Variants in ALKBH3 observed in about 807,000 individuals in gnomAD.
The protein encoded by ALKBH3 is alkB homolog 3, alpha-ketoglutarate dependent dioxygenase, also known as alpha-ketoglutarate-dependent dioxygenase alkB homolog 3.
ALKBH3 carries 51 observed loss-of-function variants against 43.9 expected under a neutral mutation model. The observed-to-expected ratio is 1.16, with a 90% confidence interval of 0.93 to 1.47. ALKBH3 has a LOEUF of 1.47. ALKBH3 is among the 40% of genes most tolerant of loss of function. The pLI is 0.00. For missense variants in ALKBH3, 361 were observed against 351.9 expected, an observed-to-expected ratio of 1.03 and a Z score of -0.21; for synonymous variants, 102 against 115.2, an observed-to-expected ratio of 0.89 and a Z score of 0.73.
intron 7 of ALKBH3, among the ~76,000 whole-genome samples, chr11:43,895,242 C>T (rs1951810577): frequency 6.6e-6 from 1 of 152,220 alleles, no homozygotes; most frequent in Non-Finnish European, 1.5e-5. Context: ...CCACGCAAGT[C>T]TCACCTTGAA....
intron 7 of ALKBH3, 138 bp from the exon 8 acceptor site, chr11:43,901,378 G>A (rs33989612): frequency 0.042 from 35,632 of 844,736 alleles, 1,610 homozygotes; most frequent in Admixed American, 0.22. Flanking sequence ...TCTGTTTATT[G>A]CATTCCATGT....
At chr11:43,884,491 A>T (rs1005231472) in intron 4 of ALKBH3, among the ~76,000 whole-genome samples, 1 of 152,098 alleles carries the variant, frequency 6.6e-6, no homozygotes. Context: ...AAATGATAGT[A>T]AACATTCTTC....
chr11:43,896,197 A>T (rs1240043989), intron 7 of ALKBH3, among the ~76,000 whole-genome samples: 1 of 152,092 alleles, frequency 6.6e-6, no homozygotes, highest in Non-Finnish European at 1.5e-5. Flanking sequence ...TTCAAGCAAA[A>T]ATTAGAATTT....
chr11:43,901,733 T>C lies in ALKBH3; in HGVS notation c.669+8T>C. 6.2e-7 allele frequency: 1 copy of C among 1,613,760 alleles called. No individual in the cohort carries two copies. The highest frequency in any genetic ancestry group is 8.5e-7 in the Non-Finnish European group (1 of 1,179,654). On this transcript the variant is annotated splice_region_variant and intron_variant, in intron 8 of 9. Transcript: ENST00000302708. ...AGAAAGAAGCCACCACCAGTGAGTATTCTCTTTTTCTTATGCTCTTCCTGC... is the reference window on the plus strand; with the variant it reads ...AGAAAGAAGCCACCACCAGTGAGTACTCTCTTTTTCTTATGCTCTTCCTGC...
At chr11:43,893,629 T>C (rs1164252717) in intron 7 of ALKBH3, among the ~76,000 whole-genome samples, 1 of 152,154 alleles carries the variant, frequency 6.6e-6, no homozygotes, top group African/African-American at 2.4e-5. Context: ...TAGAGAATCT[T>C]TTTTTCTGTA....
At chr11:43,903,459 G>A (rs1190109074) in intron 8 of ALKBH3, among the ~76,000 whole-genome samples, 1 of 152,186 alleles carries the variant, frequency 6.6e-6, no homozygotes, top group Non-Finnish European at 1.5e-5. Context: ...CGGATGTATG[G>A]AACCTCAGCT....
chr11:43,905,929 G>A (rs968404075), intron 8 of ALKBH3, among the ~76,000 whole-genome samples: 1 of 152,202 alleles, frequency 6.6e-6, no homozygotes, highest in African/African-American at 2.4e-5. Context: ...CGGTTACCAT[G>A]GAAACAGTGA....
At chr11:43,916,146 A>G (rs1448458385) in intron 8 of ALKBH3, among the ~76,000 whole-genome samples, 1 of 152,224 alleles carries the variant, frequency 6.6e-6, no homozygotes, top group Non-Finnish European at 1.5e-5. Flanking sequence ...AGTATGAATT[A>G]CCTTTCCAAT....
intron 1 of ALKBH3, 115 bp downstream of exon 1, chr11:43,881,294 G>GTGCA (rs1951709178): frequency 6.6e-6 from 1 of 152,306 alleles, no homozygotes; most frequent in Non-Finnish European, 1.5e-5. Context: ...CAAGCTTTAT[G>GTGCA]TGCATTAAGA....
chr11:43,881,920 AATTAGT>A (rs1330020997), intron 1 of ALKBH3, among the ~76,000 whole-genome samples: 1 of 152,172 alleles, frequency 6.6e-6, no homozygotes, highest in African/African-American at 2.4e-5. Flanking sequence ...ACAACTGTCA[AATTAGT>A]ATTATTAGCC....
chr11:43,896,067 C>T (rs1025246102), intron 7 of ALKBH3, among the ~76,000 whole-genome samples: 5 of 152,016 alleles, frequency 3.3e-5, no homozygotes, highest in African/African-American at 4.8e-5. Context: ...ACGGGCAGAC[C>T]GACTGTGGTT....
At chr11:43,896,018 T>G (rs1389018514) in intron 7 of ALKBH3, among the ~76,000 whole-genome samples, 2 of 152,218 alleles carry the variant, frequency 1.3e-5, no homozygotes, top group African/African-American at 4.8e-5. Context: ...TAAGCTGAAC[T>G]AGCTACTTTT....
intron 8 of ALKBH3, chr11:43,918,770 G>T: frequency 2.8e-6 from 1 of 359,768 alleles, no homozygotes; most frequent in Non-Finnish European, 5.0e-6. Context: ...AATCTTCAAG[G>T]GATTTACACA....
At chr11:43,904,813 A>C (rs1951885311) in intron 8 of ALKBH3, among the ~76,000 whole-genome samples, 2 of 152,224 alleles carry the variant, frequency 1.3e-5, no homozygotes, top group African/African-American at 4.8e-5. Flanking sequence ...CCCAAGGTAA[A>C]GCATAATTTA....
rs536152977 is a variant in ALKBH3, at chr11:43,886,422, C to T, written c.219-184C>T. 3.9e-5 allele frequency among the ~76,000 whole-genome samples: 6 copies of T among 152,206 alleles called. No homozygotes were observed. In the South Asian group the frequency reaches 1.2e-3, roughly 32 times the overall value. ...GGCCTGATACTGTCACAGTTCCATTCCAGTGCCATTAATGATATACCATGA... is the reference window on the plus strand; with the variant it reads ...GGCCTGATACTGTCACAGTTCCATTTCAGTGCCATTAATGATATACCATGA... On this transcript the variant is annotated intron_variant, in intron 4 of 9. Transcript: ENST00000302708.
chr11:43,901,038 TA>T (rs1951860047), intron 7 of ALKBH3, among the ~76,000 whole-genome samples: 2 of 152,202 alleles, frequency 1.3e-5, no homozygotes, highest in Non-Finnish European at 2.9e-5. Context: ...CCCATCAGGA[TA>T]AAATAGGAAT....
At chr11:43,892,938 G>A (rs1445926455) in intron 7 of ALKBH3, among the ~76,000 whole-genome samples, 2 of 152,206 alleles carry the variant, frequency 1.3e-5, no homozygotes. Context: ...GGAGATAGCT[G>A]CATGCTTTGG....
At chr11:43,885,118 C>T (rs560675735) in intron 4 of ALKBH3, among the ~76,000 whole-genome samples, 1 of 152,078 alleles carries the variant, frequency 6.6e-6, no homozygotes, top group African/African-American at 2.4e-5. Context: ...ATAAACAAAA[C>T]CATGAAACAT....
chr11:43,894,135 G>A (rs1215125239), intron 7 of ALKBH3, among the ~76,000 whole-genome samples: 1 of 152,082 alleles, frequency 6.6e-6, no homozygotes, highest in African/African-American at 2.4e-5. Flanking sequence ...TTCAGTCATG[G>A]GTTTTTAAAC....
Sources: allele counts gnomAD v4.1 joint callset (sites outside exome capture counted in the v4.1 genomes callset), GRCh38; gene constraint gnomAD v4.1.1; transcripts MANE v1.5; gene names NCBI Gene and HGNC (gene_info 2026-07-23, HGNC 2026-07-21).